Variants in BCAR3 observed in about 807,000 individuals in gnomAD.
BCAR3 encodes BCAR3 adaptor protein, NSP family member.
In BCAR3, 37 loss-of-function variants were observed where a neutral mutation model predicts 80.1. That is an observed-to-expected ratio of 0.46 (90% CI 0.36 to 0.61). The LOEUF (loss-of-function observed/expected upper bound fraction) is 0.61. BCAR3 is among the 20% of genes least tolerant of loss of function. The pLI, the probability that BCAR3 is intolerant of heterozygous loss-of-function variation, is 0.00. For missense variants in BCAR3, 978 were observed against 1,068.2 expected, an observed-to-expected ratio of 0.92 and a Z score of 1.18; for synonymous variants, 389 against 418.9, an observed-to-expected ratio of 0.93 and a Z score of 0.87.
At position 93,667,403 on chromosome 1, in the gene BCAR3, C is replaced by T. The variant is rs184144325; in HGVS notation, c.317+7211G>A. Among the ~76,000 whole-genome samples, 6 of 152,328 alleles carry T rather than the reference C, an allele frequency of 3.9e-5. No individual in the cohort carries two copies. In the East Asian group the frequency reaches 5.8e-4, roughly 15 times the overall value. ...AGCAGTTAACCTTCATAGCACTTCT[C>T]GGATGGGTTATTTACGCTCCCACTT... On this transcript the variant is annotated intron_variant, in intron 2 of 11. Coordinates refer to ENST00000260502, the MANE Select transcript of BCAR3 (RefSeq NM_003567.4).
At chr1:93,721,797 C>T (rs1650413298) in intron 2 of BCAR3, among the ~76,000 whole-genome samples, 2 of 152,160 alleles carry the variant, frequency 1.3e-5, no homozygotes, top group African/African-American at 2.4e-5. Flanking sequence ...GGGGAGGTGG[C>T]CTCTGGAGCA....
intron 3 of BCAR3, among the ~76,000 whole-genome samples, chr1:93,596,532 C>A (rs890810639): frequency 5.9e-5 from 9 of 152,222 alleles, no homozygotes; most frequent in African/African-American, 2.2e-4. Flanking sequence ...CACGGCTGTG[C>A]TCTCTTAGAA....
chr1:93,621,162 C>T (rs1327607435), intron 3 of BCAR3, among the ~76,000 whole-genome samples: 1 of 152,234 alleles, frequency 6.6e-6, no homozygotes. Flanking sequence ...TTTCTGTTGT[C>T]AAGCAAATTC....
intron 2 of BCAR3, among the ~76,000 whole-genome samples, chr1:93,654,023 C>T (rs2101922896): frequency 6.6e-6 from 1 of 152,192 alleles, no homozygotes; most frequent in Non-Finnish European, 1.5e-5. Context: ...TCAGGCTGCT[C>T]CCACCTCATC....
intron 2 of BCAR3, among the ~76,000 whole-genome samples, chr1:93,738,895 C>T (rs529717843): frequency 3.2e-4 from 49 of 152,190 alleles, no homozygotes; most frequent in Non-Finnish European, 6.2e-4. Flanking sequence ...CAAAGGATAA[C>T]CTGAGAGCCA....
chr1:93,702,565 G>T (rs1247641506), intron 3 of BCAR3, among the ~76,000 whole-genome samples: 3 of 152,194 alleles, frequency 2.0e-5, no homozygotes, highest in African/African-American at 4.8e-5. Flanking sequence ...TGGGGATGGG[G>T]GTTGGGGGGA....
intron 2 of BCAR3, among the ~76,000 whole-genome samples, chr1:93,842,363 G>C (rs960407708): frequency 1.3e-5 from 2 of 151,946 alleles, no homozygotes; most frequent in Non-Finnish European, 2.9e-5. Flanking sequence ...TGTTGGCCAG[G>C]CTGGTCTCGA....
Position 93,582,460 on chromosome 1 carries a change from C to G in BCAR3, c.1527G>C (p.Leu509=). The G allele has an allele frequency of 6.2e-7, 1 of 1,614,186 alleles. No homozygotes were observed. The highest frequency in any genetic ancestry group is 2.2e-5 in the East Asian group (1 of 44,876). ...TGGGCCTGAAGGAGGAGACAGTCTC[C>G]AGGAGGGGCGTCACAAACTCGCCCT... ...WDKGEFVTPL[L]ETVSSFRPNE... The change falls in exon 7 of 12, where the codon CTG becomes CTC. Residue 509 remains leucine (L), a synonymous_variant. Coordinates refer to ENST00000260502, the MANE Select transcript of BCAR3 (RefSeq NM_003567.4).
At chr1:93,637,902 C>T (rs1054867638) in intron 3 of BCAR3, among the ~76,000 whole-genome samples, 4 of 152,144 alleles carry the variant, frequency 2.6e-5, no homozygotes, top group African/African-American at 7.2e-5. Context: ...ATCGTGGGGA[C>T]AATGGAACCC....
At chr1:93,786,464 G>T (rs186592648) in intron 2 of BCAR3, among the ~76,000 whole-genome samples, 13 of 152,282 alleles carry the variant, frequency 8.5e-5, no homozygotes, top group Admixed American at 8.5e-4. Context: ...CTGAGACCAT[G>T]GAGAGCAGAG....
intron 2 of BCAR3, among the ~76,000 whole-genome samples, chr1:93,824,928 G>T (rs1654329609): frequency 7.5e-6 from 1 of 133,674 alleles, no homozygotes; most frequent in African/African-American, 2.5e-5. Flanking sequence ...GCCATCCCAA[G>T]AAAGAGTCTG....
intron 2 of BCAR3, among the ~76,000 whole-genome samples, chr1:93,844,993 A>G (rs1655096992): frequency 6.6e-6 from 1 of 152,124 alleles, no homozygotes; most frequent in African/African-American, 2.4e-5. Context: ...ATTTTCCATG[A>G]TACAGGAATT....
At chr1:93,610,930 A>C (rs1570967102) in intron 3 of BCAR3, among the ~76,000 whole-genome samples, 1 of 152,084 alleles carries the variant, frequency 6.6e-6, no homozygotes, top group East Asian at 1.9e-4. Context: ...CAAAAAAAAA[A>C]AAGAAAGAGC....
intron 2 of BCAR3, among the ~76,000 whole-genome samples, chr1:93,735,417 T>C (rs1650940721): frequency 6.6e-6 from 1 of 152,222 alleles, no homozygotes; most frequent in Non-Finnish European, 1.5e-5. Flanking sequence ...GCAGACAACA[T>C]GGGATCATTT....
chr1:93,643,897 T>C (rs2101911904), intron 2 of BCAR3, among the ~76,000 whole-genome samples: 1 of 152,348 alleles, frequency 6.6e-6, no homozygotes, highest in South Asian at 2.1e-4. Context: ...TCATGTTGTA[T>C]ATCTTGGATA....
At chr1:93,666,209 T>C (rs1255283024) in intron 2 of BCAR3, among the ~76,000 whole-genome samples, 1 of 152,138 alleles carries the variant, frequency 6.6e-6, no homozygotes, top group Admixed American at 6.5e-5. Flanking sequence ...CTTACCCAAA[T>C]CTAGACCAGT....
At chr1:93,600,649 G>C (rs1310584302) in intron 3 of BCAR3, 1 of 152,150 alleles carries the variant, frequency 6.6e-6, no homozygotes, top group Non-Finnish European at 1.5e-5. Context: ...AACATGTTCT[G>C]ACGCAGGGTC....
At chr1:93,719,079 A>G (rs1650292211) in intron 2 of BCAR3, among the ~76,000 whole-genome samples, 1 of 152,068 alleles carries the variant, frequency 6.6e-6, no homozygotes, top group Non-Finnish European at 1.5e-5. Flanking sequence ...CAGACCACCA[A>G]TAGAGTTGCA....
chr1:93,813,622 T>G (rs1482027004), intron 2 of BCAR3, among the ~76,000 whole-genome samples: 1 of 152,220 alleles, frequency 6.6e-6, no homozygotes, highest in Admixed American at 6.5e-5. Flanking sequence ...TGTTCTTCCT[T>G]GACTATTTTA....
Sources: allele counts gnomAD v4.1 joint callset (sites outside exome capture counted in the v4.1 genomes callset), GRCh38; gene constraint gnomAD v4.1.1; transcripts MANE v1.5; gene names NCBI Gene and HGNC (gene_info 2026-07-23, HGNC 2026-07-21).